Variants in SLC25A37 observed in about 807,000 individuals in gnomAD.
The protein encoded by SLC25A37 is solute carrier family 25 member 37.
SLC25A37 carries 17 observed loss-of-function variants against 31.0 expected under a neutral mutation model. That is an observed-to-expected ratio of 0.55 (90% CI 0.38 to 0.82). SLC25A37 has a LOEUF of 0.82. SLC25A37 is among the 40% of genes least tolerant of loss of function. The pLI is 0.00. For synonymous variants in SLC25A37, 222 were observed against 193.0 expected, an observed-to-expected ratio of 1.15 and a Z score of -1.24; for missense variants, 404 against 465.8, an observed-to-expected ratio of 0.87 and a Z score of 1.22.
chr8:23,544,302 C>T (rs897729316), intron 1 of SLC25A37, among the ~76,000 whole-genome samples: 13 of 152,244 alleles, frequency 8.5e-5, no homozygotes, highest in Admixed American at 3.9e-4. Context: ...CCTAGGTGTG[C>T]GGTAGCTATC....
At chr8:23,543,859 G>C (rs916919435) in intron 1 of SLC25A37, among the ~76,000 whole-genome samples, 1 of 146,876 alleles carries the variant, frequency 6.8e-6, no homozygotes, top group African/African-American at 2.6e-5. Context: ...TATTTTCACT[G>C]TACTTTTTTT....
At chr8:23,543,930 G>A (rs1408908291) in intron 1 of SLC25A37, among the ~76,000 whole-genome samples, 7 of 151,802 alleles carry the variant, frequency 4.6e-5, no homozygotes, top group African/African-American at 1.5e-4. Context: ...GCAGAATCTC[G>A]GCTCACCGCA....
intron 1 of SLC25A37, among the ~76,000 whole-genome samples, chr8:23,554,095 G>T (rs1043603868): frequency 6.6e-6 from 1 of 152,276 alleles, no homozygotes; most frequent in East Asian, 1.9e-4. Context: ...CTGGCCGACC[G>T]CCTGGCTTCT....
chr8:23,557,470 G>A (rs945671161), intron 1 of SLC25A37, among the ~76,000 whole-genome samples: 7 of 152,218 alleles, frequency 4.6e-5, no homozygotes, highest in East Asian at 3.9e-4. Flanking sequence ...TCCATAAAGC[G>A]TGGTGCCAAA....
intron 1 of SLC25A37, among the ~76,000 whole-genome samples, chr8:23,548,590 C>T (rs1462900909): frequency 6.6e-6 from 1 of 151,912 alleles, no homozygotes; most frequent in Non-Finnish European, 1.5e-5. Flanking sequence ...ACTGCCTCAG[C>T]CTCCCAAGTA....
intron 1 of SLC25A37, among the ~76,000 whole-genome samples, chr8:23,559,867 A>G (rs969482795): frequency 1.3e-5 from 2 of 152,202 alleles, no homozygotes; most frequent in Non-Finnish European, 2.9e-5. Flanking sequence ...ATTCCACTGT[A>G]TGGATATATT....
rs976651203 is a variant in SLC25A37, at chr8:23,547,816, G to A, written c.211-18292G>A. 3.9e-5 allele frequency among the ~76,000 whole-genome samples: 6 copies of A among 152,264 alleles called. No homozygotes were observed. The East Asian group carries it at 1.2e-3, about 29-fold the overall frequency. The stretch of plus-strand genomic sequence containing the variant: ...CTTCAAGACTGCAAATCATCCATCC[G>A]GGCAATTACAGAAATGCTGAACGGC... On this transcript the variant is annotated intron_variant, in intron 1 of 3. Coordinates refer to ENST00000519973, the MANE Select transcript of SLC25A37 (RefSeq NM_016612.4).
intron 1 of SLC25A37, among the ~76,000 whole-genome samples, chr8:23,560,597 T>TTGGCTGCTG (rs1226697846): frequency 6.6e-6 from 1 of 152,226 alleles, no homozygotes; most frequent in Non-Finnish European, 1.5e-5. Flanking sequence ...GGCCCCAAAC[T>TTGGCTGCTG]TGGCTGCTGT....
chr8:23,537,743 C>T (rs946835641), intron 1 of SLC25A37, among the ~76,000 whole-genome samples: 1 of 152,118 alleles, frequency 6.6e-6, no homozygotes. Flanking sequence ...TGGGATCCTG[C>T]GGGAGAGGTA....
At position 23,571,788 on chromosome 8, in the gene SLC25A37, G is replaced by T; in HGVS notation, c.950G>T (p.Trp317Leu). Residue 317 changes from tryptophan (W) to leucine (L), a missense_variant, in exon 4 of 4, where the codon TGG (tryptophan) becomes TTG (leucine). Trp to Leu is a moderately conservative substitution (Grantham distance 61, BLOSUM62 -2). Transcript: ENST00000519973. Reference sequence around the variant, plus strand: ...CAGATGCCCTCCACCGCCATTTCTTGGTCTGTCTATGAGTTCTTCAAGTAC... The same window carrying T: ...CAGATGCCCTCCACCGCCATTTCTTTGTCTGTCTATGAGTTCTTCAAGTAC... ...IYQMPSTAIS[W>L]SVYEFFKYFL... 1 of 1,613,994 alleles carries T rather than the reference G, an allele frequency of 6.2e-7. No individual in the cohort carries two copies. The highest frequency in any genetic ancestry group is 8.5e-7 in the Non-Finnish European group (1 of 1,179,880).
In SLC25A37 at chr8:23,567,967, G is replaced by T. The variant is rs531757549; in HGVS notation, c.440-355G>T. The T allele has an allele frequency of 8.4e-6, 3 of 355,190 alleles. No individual in the cohort carries two copies. In the East Asian group the frequency reaches 2.0e-4, roughly 24 times the overall value. The allele number at this position is 355,190 out of a possible 1,614,324, so 22.0% of individuals were successfully genotyped here. The stretch of plus-strand genomic sequence containing the variant: ...CAAAGTGAGTTAATGTGTAGACAAA[G>T]GCGAGGGACAAGAGAGAGTTAACAT... On this transcript the variant is annotated intron_variant, in intron 2 of 3. Coordinates refer to ENST00000519973, the MANE Select transcript of SLC25A37 (RefSeq NM_016612.4).
At chr8:23,555,968 A>G (rs1435291958) in intron 1 of SLC25A37, among the ~76,000 whole-genome samples, 2 of 152,204 alleles carry the variant, frequency 1.3e-5, no homozygotes, top group African/African-American at 4.8e-5. Context: ...TTGTCTTGGT[A>G]TAGCTTTTCT....
intron 2 of SLC25A37, chr8:23,567,168 A>G (rs1196925521): frequency 1.3e-5 from 2 of 152,114 alleles, no homozygotes; most frequent in Non-Finnish European, 2.9e-5. Context: ...CATTTTTTTC[A>G]ACAATGGAGA....
At chr8:23,545,872 C>A (rs961956246) in intron 1 of SLC25A37, among the ~76,000 whole-genome samples, 3 of 152,120 alleles carry the variant, frequency 2.0e-5, no homozygotes, top group African/African-American at 7.2e-5. Context: ...CGCGGTGGCT[C>A]ATGCCTGTAA....
At chr8:23,540,531 G>T (rs1217372726) in intron 1 of SLC25A37, among the ~76,000 whole-genome samples, 1 of 152,200 alleles carries the variant, frequency 6.6e-6, no homozygotes, top group African/African-American at 2.4e-5. Flanking sequence ...AAGCAAGGAA[G>T]AAGGATGATG....
chr8:23,566,921 T>C, intron 2 of SLC25A37: 3 of 731,446 alleles, frequency 4.1e-6, no homozygotes, highest in Non-Finnish European at 5.0e-6. Flanking sequence ...TCTGTTTGTC[T>C]GAGTCTCATC....
chr8:23,530,604 A>G (rs1801644163), intron 1 of SLC25A37, among the ~76,000 whole-genome samples: 2 of 152,370 alleles, frequency 1.3e-5, no homozygotes, highest in East Asian at 1.9e-4. Context: ...TCTCCAGGAA[A>G]GACACTGGAC....
chr8:23,555,694 G>T (rs1299343395), intron 1 of SLC25A37, among the ~76,000 whole-genome samples: 1 of 152,202 alleles, frequency 6.6e-6, no homozygotes, highest in Non-Finnish European at 1.5e-5. Flanking sequence ...GGCGGCAGAT[G>T]ACCAGGAGGT....
chr8:23,529,062 C>G lies in SLC25A37; in HGVS notation c.60C>G (p.Asp20Glu), dbSNP rs1221432002. 6.3e-7 allele frequency: 1 copy of G among 1,586,700 alleles called. No individual in the cohort carries two copies. The highest frequency in any genetic ancestry group is 8.6e-7 in the Non-Finnish European group (1 of 1,167,828). ...CGGTGGCGCGGAGGATGGATGGGGA[C>G]AGCCGAGATGGCGGCGGCGGCAAGG... ...SQAVARRMDGDSRDGGGGKDA... is the reference protein window; with the variant it reads ...SQAVARRMDGESRDGGGGKDA... Residue 20 changes from aspartate to glutamate, a missense_variant, in exon 1 of 4, where the codon GAC becomes GAG. Asp to Glu is a conservative substitution (Grantham distance 45). Transcript: ENST00000519973. This position sits in a 1 kb window ranked among gnomAD's most constrained non-coding sequence, Gnocchi z 4.1.
Sources: gnomAD v4.1 joint callset for allele counts (sites outside exome capture counted in the v4.1 genomes callset) on GRCh38, gnomAD v4.1.1 for gene constraint, Gnocchi (gnomAD v3.1) non-coding constraint, MANE v1.5 for transcripts, NCBI Gene and HGNC (gene_info 2026-07-23, HGNC 2026-07-21) for gene names.